Variants in QTMAN observed in about 807,000 individuals in gnomAD.
QTMAN encodes the protein queuosine-tRNA mannosyltransferase, also known as tRNA-queuosine alpha-mannosyltransferase.
At chr2:143,969,306 T>C in the QTMAN span, among the ~76,000 whole-genome samples, 1 of 152,226 alleles carries the variant, frequency 6.6e-6, no homozygotes, top group Non-Finnish European at 1.5e-5. Flanking sequence ...TATATTATCT[T>C]GTGTTTCACC....
the QTMAN span, among the ~76,000 whole-genome samples, chr2:144,131,831 G>A: frequency 6.6e-6 from 1 of 151,792 alleles, no homozygotes; most frequent in African/African-American, 2.4e-5. Context: ...TCTGAACCTC[G>A]GTTTCCTCAC....
the QTMAN span, among the ~76,000 whole-genome samples, chr2:144,005,198 T>G: frequency 6.6e-6 from 1 of 152,082 alleles, no homozygotes; most frequent in Non-Finnish European, 1.5e-5. Context: ...ATTAACCTTA[T>G]AGACTGTTAT....
the QTMAN span, among the ~76,000 whole-genome samples, chr2:144,119,889 AAACT>A: frequency 1.3e-5 from 2 of 150,788 alleles, no homozygotes; most frequent in African/African-American, 2.5e-5. Flanking sequence ...AAAACAAAAA[AAACT>A]AACACCTGCC....
At chr2:144,093,715 G>A in the QTMAN span, among the ~76,000 whole-genome samples, 1 of 152,164 alleles carries the variant, frequency 6.6e-6, no homozygotes, top group African/African-American at 2.4e-5. Context: ...CTGCAGAAGG[G>A]TCAGGGGAGT....
the QTMAN span, among the ~76,000 whole-genome samples, chr2:144,133,435 AAT>A: frequency 1.4e-3 from 78 of 54,258 alleles, no homozygotes; most frequent in African/African-American, 8.7e-3. Flanking sequence ...TATAATATAT[AAT>A]ATATAATATA....
At chr2:144,296,663 G>A in the QTMAN span, among the ~76,000 whole-genome samples, 13 of 152,150 alleles carry the variant, frequency 8.5e-5, no homozygotes, top group Middle Eastern at 3.4e-3. Flanking sequence ...AAATTACCCC[G>A]ATTTCTGAAT....
At chr2:144,098,949 T>G in the QTMAN span, among the ~76,000 whole-genome samples, 1 of 152,086 alleles carries the variant, frequency 6.6e-6, no homozygotes, top group African/African-American at 2.4e-5. Context: ...ACACATTGCT[T>G]GCTCCCTAAT....
chr2:143,946,937 G>T, the QTMAN span: 2 of 731,426 alleles, frequency 2.7e-6, no homozygotes, highest in Non-Finnish European at 4.6e-6. Flanking sequence ...CAAGCAGCCA[G>T]GCTCAGCTTC....
the QTMAN span, among the ~76,000 whole-genome samples, chr2:144,311,788 A>G: frequency 6.6e-6 from 1 of 152,224 alleles, no homozygotes; most frequent in Non-Finnish European, 1.5e-5. Context: ...ACACATTTAA[A>G]GTACCTATGT....
the QTMAN span, among the ~76,000 whole-genome samples, chr2:143,993,724 G>C: frequency 3.3e-5 from 5 of 152,240 alleles, no homozygotes; most frequent in South Asian, 8.3e-4. Flanking sequence ...AACTGTAAGA[G>C]AACAAATTTC....
At chr2:144,241,061 T>TG in the QTMAN span, among the ~76,000 whole-genome samples, 1 of 152,240 alleles carries the variant, frequency 6.6e-6, no homozygotes, top group African/African-American at 2.4e-5. Flanking sequence ...GGTGATTTCT[T>TG]GATTTCTTAG....
At chr2:144,252,346 T>C in the QTMAN span, among the ~76,000 whole-genome samples, 1 of 151,850 alleles carries the variant, frequency 6.6e-6, no homozygotes, top group Non-Finnish European at 1.5e-5. Context: ...CTGCACTCAG[T>C]CCAGCCTGGG....
chr2:144,115,260 AAC>A, the QTMAN span, among the ~76,000 whole-genome samples: 5 of 151,624 alleles, frequency 3.3e-5, no homozygotes, highest in Non-Finnish European at 7.4e-5. Context: ...CAACAACAAC[AAC>A]AAAAACTGAA....
the QTMAN span, among the ~76,000 whole-genome samples, chr2:144,239,521 CATTCCT>C: frequency 6.6e-6 from 1 of 152,148 alleles, no homozygotes; most frequent in African/African-American, 2.4e-5. Context: ...GGAGTTGACC[CATTCCT>C]TCCTCCCTGC....
At chr2:144,005,075 A>G in the QTMAN span, among the ~76,000 whole-genome samples, 1 of 151,956 alleles carries the variant, frequency 6.6e-6, no homozygotes, top group South Asian at 2.1e-4. Flanking sequence ...CGGGCCAGAG[A>G]GCTGACATGG....
chr2:144,315,385 A>G, the QTMAN span, among the ~76,000 whole-genome samples: 1 of 152,268 alleles, frequency 6.6e-6, no homozygotes, highest in Non-Finnish European at 1.5e-5. Flanking sequence ...TCCAGCCTAT[A>G]GAAATATCCA....
chr2:143,967,591 A>T, the QTMAN span, among the ~76,000 whole-genome samples: 1 of 152,146 alleles, frequency 6.6e-6, no homozygotes, highest in African/African-American at 2.4e-5. Flanking sequence ...TCGGCCTCCC[A>T]AGGTGCTGGG....
At chr2:144,292,056 G>C in the QTMAN span, among the ~76,000 whole-genome samples, 18 of 152,288 alleles carry the variant, frequency 1.2e-4, no homozygotes, top group East Asian at 3.3e-3. Context: ...GCTCCTCTGA[G>C]TGTTAGTTTT....
the QTMAN span, chr2:144,177,255 A>AC: frequency 1.5e-6 from 1 of 662,224 alleles, no homozygotes. Context: ...ATCCCAATAA[A>AC]AAAAAAAAAA....
Sources: allele counts gnomAD v4.1 joint callset (sites outside exome capture counted in the v4.1 genomes callset), GRCh38; gene constraint gnomAD v4.1.1; transcripts MANE v1.5; gene names NCBI Gene and HGNC (gene_info 2026-07-23, HGNC 2026-07-21).